Variants in GATA3 observed in about 807,000 individuals in gnomAD.
The protein encoded by GATA3 is trans-acting T-cell-specific transcription factor GATA-3.
A neutral mutation model predicts 36.0 loss-of-function variants in GATA3; 6 were observed. The ratio of observed to expected loss-of-function variants is 0.17; its 90% confidence interval spans 0.09 to 0.33. The LOEUF is 0.33. Ranked by LOEUF, GATA3 falls within the 10% of genes least tolerant of loss-of-function variation. GATA3 has a pLI of 1.00. For synonymous variants in GATA3, 326 were observed against 273.0 expected (o/e 1.19, Z -1.92); for missense variants, 514 against 610.1 (o/e 0.84, Z 1.66).
chr10:8,054,071 C>A (rs1164786442), upstream of GATA3, among the ~76,000 whole-genome samples: 1 of 152,166 alleles, frequency 6.6e-6, no homozygotes, highest in Admixed American at 6.5e-5. The surrounding 1 kb of genome is among the most constrained non-coding windows in gnomAD (Gnocchi z 4.2). Context: ...TTGACGCGGA[C>A]GCTCCAGTCA....
intron 1 of GATA3, among the ~76,000 whole-genome samples, chr10:8,048,262 G>A (rs1420887749): frequency 6.6e-6 from 1 of 152,202 alleles, no homozygotes; most frequent in Admixed American, 6.5e-5. Flanking sequence ...GAGGATGTGG[G>A]TGACCAGGCC....
At position 8,058,164 on chromosome 10, in the gene GATA3, GAT is replaced by G. The variant is rs1491027259; in HGVS notation, c.242-140_242-139del. 66 of 862,748 alleles carry G rather than the reference GAT, an allele frequency of 7.6e-5. 3 individuals carry two copies. Among genetic ancestry groups the G allele is most frequent in the Non-Finnish European group, 1.1e-4 (62 of 548,044 alleles). The allele number at this position is 862,748 out of a possible 1,614,324, so 53.4% of individuals were successfully genotyped here. A position where few individuals can be genotyped will look rare whatever the true frequency, so the allele number is the denominator to read the frequency against. On this transcript the variant is annotated intron_variant, in intron 2 of 5. Transcript: ENST00000379328. ...AGGCAGGTACTCCGGGGACCGCCAGGATGAGAGAGTGGGCCTGAGCCCGGGCT... is the reference window on the plus strand; with the variant it reads ...AGGCAGGTACTCCGGGGACCGCCAGGGAGAGAGTGGGCCTGAGCCCGGGCT...
chr10:8,049,793 G>A (rs1281468167), upstream of GATA3, among the ~76,000 whole-genome samples: 2 of 152,172 alleles, frequency 1.3e-5, no homozygotes, highest in Non-Finnish European at 2.9e-5. Flanking sequence ...CAATACCCGG[G>A]ATCTCTCCTT....
At chr10:8,060,157 G>C (rs1217185501) in intron 3 of GATA3, among the ~76,000 whole-genome samples, 1 of 152,224 alleles carries the variant, frequency 6.6e-6, no homozygotes, top group East Asian at 1.9e-4. Flanking sequence ...TCTCTATTTA[G>C]TTGATATGTT....
chr10:8,057,372 C>T (rs1432980198), intron 2 of GATA3, among the ~76,000 whole-genome samples: 1 of 152,116 alleles, frequency 6.6e-6, no homozygotes, highest in Non-Finnish European at 1.5e-5. Flanking sequence ...TAAGATTGTG[C>T]GTTTTAAATG....
rs202210733 is a variant in GATA3 at position 8,058,244 on chromosome 10, G to A, written c.242-61G>A. 5.1e-4 allele frequency: 801 copies of A among 1,566,316 alleles called. 2 individuals carry two copies. Among genetic ancestry groups the A allele is most frequent in the Admixed American group, 8.2e-4 (49 of 59,912 alleles). On this transcript the variant is annotated intron_variant, in intron 2 of 5. Transcript: ENST00000379328. ...TAGAGATTCCCCAGGTGTCCCTGAC[G>A]GCCTCCCAGGGCCACACTCACCCTC...
chr10:8,059,632 C>T (rs944473004), intron 3 of GATA3, among the ~76,000 whole-genome samples: 2 of 152,238 alleles, frequency 1.3e-5, no homozygotes, highest in African/African-American at 4.8e-5. Context: ...TGTATCTCAG[C>T]TTCCTGTGCT....
At chr10:8,070,777 G>A (rs922178682) in intron 5 of GATA3, among the ~76,000 whole-genome samples, 11 of 152,104 alleles carry the variant, frequency 7.2e-5, no homozygotes, top group East Asian at 1.9e-4. Flanking sequence ...AGCCCTGTAC[G>A]CTCATTCCCT....
chr10:8,066,744 A>G (rs1414020480), intron 4 of GATA3, among the ~76,000 whole-genome samples: 2 of 152,206 alleles, frequency 1.3e-5, no homozygotes, highest in Non-Finnish European at 2.9e-5. Flanking sequence ...ACCACTAGTG[A>G]GAGGCTGAGC....
Position 8,074,562 on chromosome 10 carries a change from T to C in GATA3, c.*539T>C, listed in dbSNP as rs534464935. The C allele has an allele frequency of 8.5e-6, 2 of 234,406 alleles. No individual in the cohort carries two copies. The highest frequency in any genetic ancestry group is 4.4e-5 in the African/African-American group (2 of 45,484). The allele number at this position is 234,406 out of a possible 1,614,324, so 14.5% of individuals were successfully genotyped here. A position where few individuals can be genotyped will look rare whatever the true frequency, so the allele number is the denominator to read the frequency against. On this transcript the variant is annotated 3_prime_UTR_variant, in exon 6 of 6. Coordinates refer to ENST00000379328, the MANE Select transcript of GATA3 (RefSeq NM_001002295.2). Reference sequence around the variant, plus strand: ...AAGAAAAAAGTTGTAGGCGAATCATTTGTTCAAAGCTGTTGGCCTCTGCAA... The same window carrying C: ...AAGAAAAAAGTTGTAGGCGAATCATCTGTTCAAAGCTGTTGGCCTCTGCAA...
chr10:8,059,459 A>G (rs1218385876), intron 3 of GATA3, among the ~76,000 whole-genome samples: 1 of 152,228 alleles, frequency 6.6e-6, no homozygotes, highest in Non-Finnish European at 1.5e-5. Context: ...GCATTGGGGA[A>G]GCAGAGTTGA....
intron 1 of GATA3, among the ~76,000 whole-genome samples, chr10:8,047,225 G>A (rs1241118756): frequency 6.6e-6 from 1 of 152,200 alleles, no homozygotes; most frequent in Non-Finnish European, 1.5e-5. Context: ...GAACCGGCAG[G>A]TAGGTGGGAG....
chr10:8,074,725 A>G lies in GATA3; in HGVS notation c.*702A>G, dbSNP rs1018659700. ...GTTTGTATGTATAATTCAAAGCACC[A>G]AAATAAGAAAAGATGTAGATTTATT... On this transcript the variant is annotated 3_prime_UTR_variant, in exon 6 of 6. Transcript: ENST00000379328. 4.3e-6 allele frequency: 1 copy of G among 233,632 alleles called. No homozygotes were observed. Among genetic ancestry groups the G allele is most frequent in the Non-Finnish European group, 8.5e-6 (1 of 118,072 alleles). 14.5% of individuals were successfully genotyped at this position (233,632 alleles called of 1,614,324 possible). A position where few individuals can be genotyped will look rare whatever the true frequency, so the allele number is the denominator to read the frequency against.
intron 3 of GATA3, among the ~76,000 whole-genome samples, chr10:8,059,302 A>G (rs184508850): frequency 3.3e-5 from 5 of 152,312 alleles, no homozygotes; most frequent in Non-Finnish European, 7.3e-5. Context: ...CCTCTCGCTC[A>G]GCTCAAAGGG....
intron 1 of GATA3, among the ~76,000 whole-genome samples, chr10:8,047,808 G>C (rs927118596): frequency 3.9e-5 from 6 of 152,216 alleles, no homozygotes; most frequent in African/African-American, 1.4e-4. Flanking sequence ...TGCCCGGAGG[G>C]AGGGGCTGCG....
Position 8,058,506 on chromosome 10 carries a change from C to T in GATA3, c.443C>T (p.Pro148Leu), listed in dbSNP as rs1451961949. Residue 148 changes from proline (P) to leucine (L), a missense_variant, in exon 3 of 6, where the codon CCG becomes CTG. Physicochemically the swap from Pro to Leu is moderately conservative, Grantham distance 98. This residue lies in a region of GATA3 where 381 missense variants were observed against 354.3 expected (regional missense o/e 1.08). Transcript: ENST00000379328. The part of the protein sequence containing the change: ...SSSLSGGHAS[P>L]HLFTFPPTPP... ...TCCTTGTCGGGGGGCCACGCCAGCC[C>T]GCACCTCTTCACCTTCCCGCCCACC... is the stretch of plus-strand genomic sequence containing the variant. 3 of 1,612,166 alleles carry T rather than the reference C, an allele frequency of 1.9e-6. No homozygotes were observed. The highest frequency in any genetic ancestry group is 1.3e-5 in the African/African-American group (1 of 74,914).
At chr10:8,059,511 C>T (rs1027530933) in intron 3 of GATA3, among the ~76,000 whole-genome samples, 7 of 152,170 alleles carry the variant, frequency 4.6e-5, no homozygotes, top group African/African-American at 9.7e-5. Flanking sequence ...TTACCTGCAG[C>T]GTCTCCTAGA....
chr10:8,055,992 C>T lies in GATA3; in HGVS notation c.241+96C>T. ...GACCTGAGGGCGGGGAGAGGTCAAG[C>T]GAAAGCCCCCATCTGCCGTTCCTGG... On this transcript the variant is annotated intron_variant, in intron 2 of 5. Coordinates refer to ENST00000379328, the MANE Select transcript of GATA3 (RefSeq NM_001002295.2). This position sits in a 1 kb window ranked among gnomAD's most constrained non-coding sequence, Gnocchi z 5.4. 6.7e-7 allele frequency: 1 copy of T among 1,482,162 alleles called. No homozygotes were observed. The highest frequency in any genetic ancestry group is 9.2e-7 in the Non-Finnish European group (1 of 1,088,524). The allele number at this position is 1,482,162 out of a possible 1,614,324, so 91.8% of individuals were successfully genotyped here. A position where few individuals can be genotyped will look rare whatever the true frequency, so the allele number is the denominator to read the frequency against.
upstream of GATA3, chr10:8,053,333 C>T (rs1832547705): frequency 6.6e-6 from 1 of 152,240 alleles, no homozygotes; most frequent in Admixed American, 6.5e-5. This position sits in a 1 kb window ranked among gnomAD's most constrained non-coding sequence, Gnocchi z 5.1. Context: ...TGCGGGGGAA[C>T]CCACTCCCTC....
Sources: allele counts gnomAD v4.1 joint callset (sites outside exome capture counted in the v4.1 genomes callset), GRCh38; gene constraint gnomAD v4.1.1; regional missense constraint gnomAD v4.1.1; non-coding constraint Gnocchi (gnomAD v3.1); transcripts MANE v1.5; gene names NCBI Gene and HGNC (gene_info 2026-07-23, HGNC 2026-07-21).